FBXO11: variants seen among roughly 807,000 people sequenced by gnomAD.
FBXO11 encodes the protein F-box protein 11, also known as F-box only protein 11.
In FBXO11, 13 loss-of-function variants were observed where a neutral mutation model predicts 117.0. The ratio of observed to expected loss-of-function variants is 0.11; its 90% CI spans 0.07 to 0.18. The LOEUF (loss-of-function observed/expected upper bound fraction) is 0.18, where lower values mean the gene tolerates loss of function less well. FBXO11 is among the 10% of genes least tolerant of loss of function. FBXO11 has a pLI of 1.00. For synonymous variants in FBXO11, 490 were observed against 380.5 expected (o/e 1.29, Z -3.35); for missense variants, 767 against 1,164.4 (o/e 0.66, Z 4.97).
At chr2:47,877,289 G>C (rs1013095880) in intron 1 of FBXO11, among the ~76,000 whole-genome samples, 2 of 151,968 alleles carry the variant, frequency 1.3e-5, no homozygotes, top group African/African-American at 4.8e-5. Context: ...TTACCTCCCT[G>C]AGGATCTTAA....
At chr2:47,866,900 T>G (rs999898578) in intron 1 of FBXO11, among the ~76,000 whole-genome samples, 6 of 152,198 alleles carry the variant, frequency 3.9e-5, no homozygotes, top group African/African-American at 1.4e-4. Flanking sequence ...CAGACTACTT[T>G]TAAATATGAA....
chr2:47,898,339 T>C (rs1677834130), intron 1 of FBXO11, among the ~76,000 whole-genome samples: 1 of 152,146 alleles, frequency 6.6e-6, no homozygotes, highest in Non-Finnish European at 1.5e-5. Context: ...CAAACATATA[T>C]AAAAACTCCA....
intron 1 of FBXO11, among the ~76,000 whole-genome samples, chr2:47,879,312 CATTT>C (rs1676261823): frequency 6.6e-6 from 1 of 152,174 alleles, no homozygotes. Flanking sequence ...TGGGTAAATA[CATTT>C]TTACTCTGGC....
In FBXO11 at chr2:47,837,812, C is replaced by G. The variant is rs149589902; in HGVS notation, c.587+1047G>C. ...GTGGCACGATCACGGCTTTCTGCAG[C>G]CTTGACTTCCTGGGCTCAAATGATC... is the stretch of plus-strand genomic sequence containing the variant. On this transcript the variant is annotated intron_variant, in intron 4 of 22. Coordinates refer to ENST00000403359, the MANE Select transcript of FBXO11 (RefSeq NM_001190274.2). Among the ~76,000 whole-genome samples, 553 of 152,182 alleles carry G rather than the reference C, an allele frequency of 3.6e-3. 5 individuals carry two copies. The highest frequency in any genetic ancestry group is 0.013 in the African/African-American group (522 of 41,538).
intron 21 of FBXO11, 135 bp downstream of exon 21, chr2:47,809,023 C>T (rs1670429634): frequency 3.4e-6 from 2 of 584,490 alleles, no homozygotes; most frequent in South Asian, 4.4e-5. Flanking sequence ...ACACGATCTT[C>T]AAGTAGATTG....
intron 1 of FBXO11, among the ~76,000 whole-genome samples, chr2:47,898,693 T>G (rs1677861763): frequency 6.6e-6 from 1 of 152,046 alleles, no homozygotes; most frequent in African/African-American, 2.4e-5. Flanking sequence ...TGAAACCAGA[T>G]AAGTCAACAA....
chr2:47,823,135 G>A lies in FBXO11; in HGVS notation c.1616+8C>T. 1.9e-6 allele frequency: 3 copies of A among 1,594,886 alleles called. No homozygotes were observed. The highest frequency in any genetic ancestry group is 1.1e-5 in the South Asian group (1 of 88,948). ...AAGTAATTTTCACCCATAATTATAT[G>A]TAAATACCTTATTGTTGGGTCACTA... is the stretch of plus-strand genomic sequence containing the variant. On this transcript the variant is annotated splice_region_variant and intron_variant, in intron 12 of 22. Transcript: ENST00000403359.
chr2:47,900,894 ATATACACACATATATATG>A (rs1678188649), intron 1 of FBXO11, among the ~76,000 whole-genome samples: 1 of 144,264 alleles, frequency 6.9e-6, no homozygotes, highest in African/African-American at 2.6e-5. Flanking sequence ...ATACACGTAT[ATATACACACATATATATG>A]TATATATATA....
chr2:47,857,891 A>G (rs951898516), intron 1 of FBXO11, among the ~76,000 whole-genome samples: 4 of 152,248 alleles, frequency 2.6e-5, no homozygotes, highest in Non-Finnish European at 4.4e-5. Flanking sequence ...AGGCAGACGC[A>G]GCAGACTTTT....
chr2:47,901,741 G>T (rs984678319), intron 1 of FBXO11, among the ~76,000 whole-genome samples: 1 of 152,076 alleles, frequency 6.6e-6, no homozygotes, highest in African/African-American at 2.4e-5. Context: ...AGACTTGTAA[G>T]CTTTCCTCAT....
At chr2:47,869,114 A>C (rs1343032703) in intron 1 of FBXO11, among the ~76,000 whole-genome samples, 1 of 152,176 alleles carries the variant, frequency 6.6e-6, no homozygotes, top group Non-Finnish European at 1.5e-5. Context: ...ATACAGTGTT[A>C]TTTCTTCCAC....
intron 1 of FBXO11, among the ~76,000 whole-genome samples, chr2:47,861,417 C>G (rs1293689808): frequency 6.6e-6 from 1 of 151,020 alleles, no homozygotes; most frequent in Non-Finnish European, 1.5e-5. Context: ...CTCCTGGGCT[C>G]AAGTGATCCT....
chr2:47,874,572 T>C (rs1159199187), intron 1 of FBXO11, among the ~76,000 whole-genome samples: 1 of 152,002 alleles, frequency 6.6e-6, no homozygotes, highest in Non-Finnish European at 1.5e-5. Context: ...TCTTGCTCTG[T>C]TGCCCAGGAT....
chr2:47,812,028 C>G (rs754730004), intron 18 of FBXO11, among the ~76,000 whole-genome samples: 2 of 151,828 alleles, frequency 1.3e-5, no homozygotes, highest in African/African-American at 2.4e-5. Flanking sequence ...ATTCCAAGTC[C>G]CTGTCTCTAA....
At chr2:47,845,169 T>C (rs1473107855) in intron 1 of FBXO11, among the ~76,000 whole-genome samples, 1 of 142,622 alleles carries the variant, frequency 7.0e-6, no homozygotes, top group Non-Finnish European at 1.5e-5. Flanking sequence ...TGGAATCCTT[T>C]GCTTCTCACC....
intron 4 of FBXO11, among the ~76,000 whole-genome samples, chr2:47,837,630 T>G (rs779730445): frequency 1.2e-4 from 18 of 152,266 alleles, no homozygotes; most frequent in Non-Finnish European, 2.5e-4. Flanking sequence ...AACTATAGTT[T>G]CAATATATTA....
chr2:47,903,159 G>A (rs1490738603), intron 1 of FBXO11, among the ~76,000 whole-genome samples: 1 of 152,080 alleles, frequency 6.6e-6, no homozygotes, highest in Non-Finnish European at 1.5e-5. Flanking sequence ...ATTTTTCAAA[G>A]AATAACATAT....
chr2:47,838,680 G>C (rs987897357), intron 4 of FBXO11, among the ~76,000 whole-genome samples, 179 bp downstream of exon 4: 3 of 152,158 alleles, frequency 2.0e-5, no homozygotes, highest in African/African-American at 4.8e-5. Flanking sequence ...TTCATTTACT[G>C]ATTTATAAAT....
At chr2:47,839,116 AT>A in intron 3 of FBXO11, 113 bp from the exon 4 acceptor site, 1 of 1,085,400 alleles carries the variant, frequency 9.2e-7, no homozygotes, top group Non-Finnish European at 1.3e-6. Flanking sequence ...GATAATGGTC[AT>A]TTTATAAGCA....
Sources: allele counts gnomAD v4.1 joint callset (sites outside exome capture counted in the v4.1 genomes callset), GRCh38; gene constraint gnomAD v4.1.1; transcripts MANE v1.5; gene names NCBI Gene and HGNC (gene_info 2026-07-23, HGNC 2026-07-21).